The following GRIK2 variants were observed in gnomAD, a reference collection of about 807,000 sequenced individuals.
GRIK2 encodes glutamate ionotropic receptor kainate type subunit 2, also known as glutamate receptor ionotropic, kainate 2.
A neutral mutation model predicts 100.3 loss-of-function variants in GRIK2; 32 were observed. The ratio of observed to expected loss-of-function variants is 0.32; its 90% CI spans 0.24 to 0.43. The LOEUF is 0.43. Among genes scored for constraint, GRIK2 ranks in the 20% least tolerant of loss-of-function variants. The pLI, the probability that GRIK2 is intolerant of heterozygous loss-of-function variation, is 1.00. For missense variants in GRIK2, 843 were observed against 1,114.9 expected (o/e 0.76, Z 3.47); for synonymous variants, 417 against 389.4 (o/e 1.07, Z -0.83).
intron 14 of GRIK2, among the ~76,000 whole-genome samples, chr6:102,021,742 T>C (rs9498805): frequency 0.21 from 31,790 of 151,308 alleles, 3,485 homozygotes; most frequent in Middle Eastern, 0.3. Context: ...CATACATTTT[T>C]AGTCACAGCT....
intron 14 of GRIK2, among the ~76,000 whole-genome samples, chr6:101,946,062 A>G (rs371095716): frequency 1.3e-5 from 2 of 152,006 alleles, no homozygotes; most frequent in Non-Finnish European, 1.5e-5. Flanking sequence ...ACCATTTTAC[A>G]TACCCTAATT....
At chr6:101,971,979 C>A (rs1793079400) in intron 14 of GRIK2, among the ~76,000 whole-genome samples, 1 of 151,848 alleles carries the variant, frequency 6.6e-6, no homozygotes, top group East Asian at 1.9e-4. Flanking sequence ...ACCATATTTT[C>A]TTTATCTGTT....
At chr6:101,838,295 T>C (rs982271461) in intron 10 of GRIK2, among the ~76,000 whole-genome samples, 4 of 152,190 alleles carry the variant, frequency 2.6e-5, no homozygotes, top group Non-Finnish European at 4.4e-5. Context: ...TTAAATAAAT[T>C]TGTATGTTTT....
intron 2 of GRIK2, among the ~76,000 whole-genome samples, chr6:101,466,178 A>G (rs761271917): frequency 1.1e-4 from 17 of 150,934 alleles, no homozygotes; most frequent in Non-Finnish European, 2.1e-4. Flanking sequence ...TCACCTTGAA[A>G]CTCCTTAAAC....
At chr6:101,557,787 C>T (rs1776817481) in intron 2 of GRIK2, among the ~76,000 whole-genome samples, 2 of 152,190 alleles carry the variant, frequency 1.3e-5, no homozygotes, top group Non-Finnish European at 2.9e-5. Flanking sequence ...TTTCCTTCAG[C>T]TACCTGTTCA....
rs190808566 is a variant in GRIK2 at position 101,926,526 on chromosome 6, T to C, written c.1867+1807T>C. Among the ~76,000 whole-genome samples the C allele has an allele frequency of 4.6e-5, 7 of 152,330 alleles. No homozygotes were observed. In the East Asian group the frequency reaches 1.4e-3, roughly 29 times the overall value. On this transcript the variant is annotated intron_variant, in intron 13 of 16. Transcript: ENST00000369134. ...ATTTGGAGGTCTTTGAGAATTTGTA[T>C]GCTCATAGGACAAACTTGCTATTAG...
At chr6:101,926,003 A>G (rs972863354) in intron 13 of GRIK2, among the ~76,000 whole-genome samples, 2 of 151,270 alleles carry the variant, frequency 1.3e-5, no homozygotes, top group Non-Finnish European at 3.0e-5. Flanking sequence ...TGTTTATTGT[A>G]TAATTATTAA....
intron 12 of GRIK2, among the ~76,000 whole-genome samples, chr6:101,915,460 A>T (rs1186637031): frequency 6.6e-6 from 1 of 151,544 alleles, no homozygotes; most frequent in South Asian, 2.1e-4. Flanking sequence ...AGAAGATCAC[A>T]CAGTTTCACA....
intron 4 of GRIK2, among the ~76,000 whole-genome samples, chr6:101,661,819 T>A (rs968209922): frequency 2.0e-5 from 3 of 152,066 alleles, no homozygotes; most frequent in African/African-American, 7.2e-5. Flanking sequence ...GTCTAACTAG[T>A]CCCAATGAGA....
At chr6:101,911,089 G>A (rs1459250830) in intron 12 of GRIK2, among the ~76,000 whole-genome samples, 1 of 151,320 alleles carries the variant, frequency 6.6e-6, no homozygotes, top group African/African-American at 2.4e-5. Flanking sequence ...TCTTCTGTTG[G>A]GGATACAGTA....
intron 2 of GRIK2, among the ~76,000 whole-genome samples, chr6:101,435,730 T>C (rs1769678330): frequency 6.6e-6 from 1 of 152,156 alleles, no homozygotes; most frequent in Non-Finnish European, 1.5e-5. Flanking sequence ...GAACCCACTT[T>C]CTCTTCTGAT....
In GRIK2 at chr6:101,562,269, G is replaced by T. The variant is rs1202930112; in HGVS notation, c.116-59680G>T. On this transcript the variant is annotated intron_variant, in intron 2 of 16. Coordinates refer to ENST00000369134, the MANE Select transcript of GRIK2 (RefSeq NM_021956.5). ...TTATCCTGATTTTTACTTGACTCAT[G>T]GTGGCTTATTCTCCAGGATGACAGA... 2.0e-5 allele frequency among the ~76,000 whole-genome samples: 3 copies of T among 151,978 alleles called. No individual in the cohort carries two copies. The South Asian group carries it at 6.2e-4, about 31-fold the overall frequency.
intron 2 of GRIK2, among the ~76,000 whole-genome samples, chr6:101,450,609 T>C (rs764596249): frequency 3.4e-4 from 51 of 151,770 alleles, no homozygotes; most frequent in Non-Finnish European, 6.5e-4. Flanking sequence ...TTCCCTTGAG[T>C]GTGGCAGTAA....
At chr6:101,426,061 T>C (rs1335517208) in intron 2 of GRIK2, among the ~76,000 whole-genome samples, 1 of 152,184 alleles carries the variant, frequency 6.6e-6, no homozygotes, top group Non-Finnish European at 1.5e-5. Context: ...TATTGAGAGG[T>C]GGCCATATTG....
At chr6:101,956,803 CAAT>C (rs1361291026) in intron 14 of GRIK2, among the ~76,000 whole-genome samples, 2 of 129,868 alleles carry the variant, frequency 1.5e-5, no homozygotes, top group South Asian at 5.0e-4. Flanking sequence ...TTATATATAT[CAAT>C]AAAAATTATA....
intron 4 of GRIK2, among the ~76,000 whole-genome samples, chr6:101,664,389 G>A (rs145072646): frequency 6.6e-6 from 1 of 152,306 alleles, no homozygotes; most frequent in African/African-American, 2.4e-5. Context: ...TCGCTAATGT[G>A]CTTATTTCTC....
At chr6:101,426,431 C>G (rs1341226693) in intron 2 of GRIK2, among the ~76,000 whole-genome samples, 1 of 152,054 alleles carries the variant, frequency 6.6e-6, no homozygotes, top group Non-Finnish European at 1.5e-5. Context: ...TTTCTTCTAT[C>G]TAACTGTATT....
At chr6:101,988,479 G>A (rs1164420697) in intron 14 of GRIK2, among the ~76,000 whole-genome samples, 3 of 151,724 alleles carry the variant, frequency 2.0e-5, no homozygotes, top group African/African-American at 4.8e-5. Context: ...AAGAATATTA[G>A]CTCTGGGGCT....
At chr6:101,997,190 G>A (rs1328064896) in intron 14 of GRIK2, among the ~76,000 whole-genome samples, 1 of 151,966 alleles carries the variant, frequency 6.6e-6, no homozygotes, top group Non-Finnish European at 1.5e-5. Context: ...GGTATAGTGA[G>A]TTGGATTAAT....
Sources: gnomAD v4.1 joint callset for allele counts (sites outside exome capture counted in the v4.1 genomes callset) on GRCh38, gnomAD v4.1.1 for gene constraint, MANE v1.5 for transcripts, NCBI Gene and HGNC (gene_info 2026-07-23, HGNC 2026-07-21) for gene names.